PHF8: variants seen among roughly 807,000 people sequenced by gnomAD.
PHF8 encodes histone lysine demethylase PHF8.
Under a neutral mutation model 74.4 loss-of-function variants are expected in PHF8, and 9 were observed. The ratio of observed to expected loss-of-function variants is 0.12; its 90% CI spans 0.07 to 0.21. The LOEUF is 0.21. PHF8 is among the 10% of genes least tolerant of loss of function. The pLI, the probability that PHF8 is intolerant of heterozygous loss-of-function variation, is 1.00. For synonymous variants in PHF8, 311 were observed against 316.6 expected (o/e 0.98, Z 0.19); for missense variants, 478 against 816.6 (o/e 0.59, Z 5.05).
intron 20 of PHF8, among the ~76,000 whole-genome samples, chrX:53,941,214 A>G (rs1557083425): frequency 8.9e-6 from 1 of 112,704 alleles, no homozygotes; most frequent in Non-Finnish European, 1.9e-5. Context: ...AGGTAAAATA[A>G]TATCTGCTTT....
intron 4 of PHF8, among the ~76,000 whole-genome samples, chrX:54,021,658 C>G (rs970619257): frequency 1.9e-5 from 2 of 106,689 alleles, no homozygotes; most frequent in Non-Finnish European, 3.9e-5. Context: ...TTAGTAGAGA[C>G]GGGGTTTCAC....
chrX:54,018,457 T>C (rs2066109224), intron 4 of PHF8, among the ~76,000 whole-genome samples: 1 of 107,820 alleles, frequency 9.3e-6, no homozygotes, highest in African/African-American at 3.4e-5. Context: ...CCCTGTCTTT[T>C]TTTTTTTTTT....
chrX:54,011,748 T>C (rs1181421289), intron 7 of PHF8, among the ~76,000 whole-genome samples: 1 of 110,296 alleles, frequency 9.1e-6, no homozygotes, highest in African/African-American at 3.3e-5. Flanking sequence ...AGTTTAAAAG[T>C]TCAGTAATCG....
At chrX:53,948,490 C>T (rs782722265) in intron 19 of PHF8, among the ~76,000 whole-genome samples, 31 of 110,228 alleles carry the variant, frequency 2.8e-4, no homozygotes, top group African/African-American at 6.9e-4. Context: ...CCAGGCTGGT[C>T]TTAAACTCCT....
chrX:54,007,904 T>C (rs1451558045), intron 8 of PHF8, among the ~76,000 whole-genome samples: 1 of 111,843 alleles, frequency 8.9e-6, no homozygotes, highest in African/African-American at 3.3e-5. Flanking sequence ...CTCCTAGATA[T>C]ATACCCAAGA....
chrX:53,986,047 T>C (rs2065559828), intron 16 of PHF8, 98 bp from the exon 17 acceptor site: 1 of 821,318 alleles, frequency 1.2e-6, no homozygotes, highest in African/African-American at 2.0e-5. Context: ...TAATATCTTC[T>C]GAGCACCAAG....
Position 53,976,845 on chromosome X carries a change from C to T in PHF8, c.2443+8069G>A, listed in dbSNP as rs187659640. On this transcript the variant is annotated intron_variant, in intron 18 of 21. Transcript: ENST00000338154. ...TAATAGGGGAATTCTACAAACAACT[C>T]TATGCCCATAAATTCTGTAAGTTAT... Among the ~76,000 whole-genome samples, 151 of 111,674 alleles carry T rather than the reference C, an allele frequency of 1.4e-3. 1 individual carries two copies. Among genetic ancestry groups the T allele is most frequent in the African/African-American group, 4.8e-3 (148 of 30,802 alleles).
intron 18 of PHF8, among the ~76,000 whole-genome samples, chrX:53,976,930 C>A (rs782467824): frequency 9.0e-6 from 1 of 111,653 alleles, no homozygotes; most frequent in South Asian, 3.7e-4. Context: ...AACTCTTTCC[C>A]CTCTTTTCAC....
intron 14 of PHF8, among the ~76,000 whole-genome samples, chrX:53,988,382 CCT>C (rs1334468727): frequency 9.0e-6 from 1 of 110,681 alleles, no homozygotes; most frequent in Admixed American, 9.7e-5. Context: ...AAATGTGGAC[CCT>C]TATCTCACAT....
At position 54,011,258 on chromosome X, in the gene PHF8, G is replaced by A; in HGVS notation, c.810C>T (p.Arg270=). The change falls in exon 8 of 22, where the codon CGC becomes CGT. Residue 270 remains arginine (R), a synonymous_variant. Coordinates refer to ENST00000338154, the MANE Select transcript of PHF8 (RefSeq NM_015107.3). ...AGAGAGTCAGATTGGCATTTGTTGG[G>A]CGGATCAGGTAGAAGATCTTTTCAC... ...LKGEKIFYLI[R]PTNANLTLFE... 1 of 1,209,893 alleles carries A rather than the reference G, an allele frequency of 8.3e-7. No homozygotes were observed. Among genetic ancestry groups the A allele is most frequent in the Non-Finnish European group, 1.1e-6 (1 of 893,858 alleles).
In PHF8 at chrX:53,938,356, T is replaced by A. The variant is rs782001075; in HGVS notation, c.*802A>T. 4.3e-5 allele frequency: 40 copies of A among 927,936 alleles called. No homozygotes were observed. In the African/African-American group the frequency reaches 7.1e-4, roughly 17 times the overall value. 76.5% of individuals were successfully genotyped at this position (927,936 alleles called of 1,213,427 possible). The stretch of plus-strand genomic sequence containing the variant: ...ACAGCCACGTGGATAATGTTCTACA[T>A]GATTTCAAAATCCAGGCAAATCCCT... On this transcript the variant is annotated 3_prime_UTR_variant, in exon 22 of 22. Transcript: ENST00000338154.
chrX:53,979,690 A>AAAT (rs2065449016), intron 18 of PHF8, among the ~76,000 whole-genome samples: 2 of 112,457 alleles, frequency 1.8e-5, no homozygotes, highest in Non-Finnish European at 3.8e-5. Context: ...ACAAATTAAC[A>AAAT]TAGAAAAACT....
At chrX:53,950,781 CAAAG>C (rs1183943586) in intron 19 of PHF8, among the ~76,000 whole-genome samples, 1 of 112,568 alleles carries the variant, frequency 8.9e-6, no homozygotes, top group East Asian at 2.8e-4. Flanking sequence ...ACAACTACAA[CAAAG>C]AGTGTTCTCT....
chrX:53,950,549 G>A (rs1053962077), intron 19 of PHF8, among the ~76,000 whole-genome samples: 2 of 111,955 alleles, frequency 1.8e-5, no homozygotes, highest in African/African-American at 3.2e-5. Flanking sequence ...GAAGGCTACC[G>A]CAGAGTTGTA....
chrX:53,974,190 C>T (rs1444633235), intron 18 of PHF8, among the ~76,000 whole-genome samples: 5 of 110,566 alleles, frequency 4.5e-5, no homozygotes, highest in East Asian at 2.8e-4. Flanking sequence ...GGCATGAACC[C>T]GGGAGGCGGA....
At chrX:54,003,728 T>C (rs782460127) in intron 8 of PHF8, among the ~76,000 whole-genome samples, 1 of 112,290 alleles carries the variant, frequency 8.9e-6, no homozygotes, top group East Asian at 2.8e-4. Flanking sequence ...AAACCTTCAA[T>C]GGCCCTCAAT....
intron 18 of PHF8, among the ~76,000 whole-genome samples, chrX:53,965,563 C>T (rs181479634): frequency 9.7e-4 from 109 of 111,980 alleles, no homozygotes; most frequent in Middle Eastern, 4.6e-3. Context: ...TGCTTGAACC[C>T]GGGAGGTGGA....
upstream of PHF8, among the ~76,000 whole-genome samples, chrX:54,048,729 G>T (rs1382259269): frequency 2.7e-5 from 3 of 112,457 alleles, no homozygotes; most frequent in Middle Eastern, 4.6e-3. Context: ...CACAGCACCA[G>T]GCTGCCCTGG....
chrX:54,005,306 A>G (rs1603331531), intron 8 of PHF8, among the ~76,000 whole-genome samples: 1 of 109,742 alleles, frequency 9.1e-6, no homozygotes, highest in African/African-American at 3.3e-5. Context: ...TGTCTGTACT[A>G]AAAATACAAA....
Sources: allele counts gnomAD v4.1 joint callset (sites outside exome capture counted in the v4.1 genomes callset), GRCh38; gene constraint gnomAD v4.1.1; transcripts MANE v1.5; gene names NCBI Gene and HGNC (gene_info 2026-07-23, HGNC 2026-07-21).